NUP205: variants seen among roughly 807,000 people sequenced by gnomAD.
NUP205 encodes nucleoporin 205.
In NUP205, 76 loss-of-function variants were observed where a neutral mutation model predicts 253.8. That is an observed-to-expected ratio of 0.30 (90% CI 0.25 to 0.36). The LOEUF (loss-of-function observed/expected upper bound fraction) is 0.36. Among genes scored for constraint, NUP205 ranks in the 10% least tolerant of loss-of-function variants. NUP205 has a pLI of 1.00. For synonymous variants in NUP205, 832 were observed against 850.1 expected (o/e 0.98, Z 0.37); for missense variants, 2,162 against 2,425.5 (o/e 0.89, Z 2.28).
At chr7:135,582,103 G>T (rs1393339474) in intron 7 of NUP205, among the ~76,000 whole-genome samples, 3 of 152,002 alleles carry the variant, frequency 2.0e-5, no homozygotes, top group Non-Finnish European at 4.4e-5. Flanking sequence ...CTGGCCAACA[G>T]GGCGAAACCT....
chr7:135,598,157 T>G lies in NUP205; in HGVS notation c.2224T>G (p.Ser742Ala). 6.2e-7 allele frequency: 1 copy of G among 1,614,160 alleles called. No individual in the cohort carries two copies. The highest frequency in any genetic ancestry group is 8.5e-7 in the Non-Finnish European group (1 of 1,180,010). Residue 742 changes from serine (S) to alanine (A), a missense_variant, in exon 15 of 43, where the codon TCT (serine) becomes GCT (alanine). Ser to Ala is a moderately conservative substitution (Grantham distance 99). Transcript: ENST00000285968. Reference protein sequence around the residue: ...FDPYLQFLRDSVFLRFRTRAY... With the variant: ...FDPYLQFLRDAVFLRFRTRAY... ...CCCTTATTTGCAGTTCCTTAGAGACTCTGTGTTTCTACGATTCCGTACAAG... is the reference window on the plus strand; with the variant it reads ...CCCTTATTTGCAGTTCCTTAGAGACGCTGTGTTTCTACGATTCCGTACAAG...
rs1316166813 is a variant in NUP205, at chr7:135,610,359, T to TACAG, written c.3195+2989_3195+2992dup. On this transcript the variant is annotated intron_variant, in intron 22 of 42. Coordinates refer to ENST00000285968, the MANE Select transcript of NUP205 (RefSeq NM_015135.3). Reference sequence around the variant, plus strand: ...CCTCAGCCTCCCAAGTAGCAGGGATTACAGGCATGTGCCATCACACCCGGC... The same window carrying TACAG: ...CCTCAGCCTCCCAAGTAGCAGGGATTACAGACAGGCATGTGCCATCACACCCGGC... 9.2e-5 allele frequency among the ~76,000 whole-genome samples: 14 copies of TACAG among 152,334 alleles called. No individual in the cohort carries two copies. The South Asian group carries it at 2.1e-3, about 23-fold the overall frequency.
At position 135,605,853 on chromosome 7, in the gene NUP205, AT is replaced by A. The variant is rs202096156; in HGVS notation, c.2824-276del. Among the ~76,000 whole-genome samples, 22,053 of 144,100 alleles carry A rather than the reference AT, an allele frequency of 0.15. 1,617 individuals carry two copies. The highest frequency in any genetic ancestry group is 0.19 in the East Asian group (944 of 4,960). The allele number at this position is 144,100 out of a possible 152,430, so 94.5% of individuals were successfully genotyped here. On this transcript the variant is annotated intron_variant, in intron 19 of 42. Transcript: ENST00000285968. ...GAGGTCAGTAAACAGCAATTTCGTG[AT>A]TTTTTTTTTTTTTTTAACTAGCTTG...
chr7:135,632,353 G>C (rs1346566521), intron 35 of NUP205, among the ~76,000 whole-genome samples: 1 of 152,318 alleles, frequency 6.6e-6, no homozygotes, highest in East Asian at 1.9e-4. Context: ...GAGGCACAGG[G>C]AGGTTAACTT....
intron 1 of NUP205, among the ~76,000 whole-genome samples, chr7:135,564,156 A>AGTG (rs1413954010): frequency 6.6e-6 from 1 of 151,280 alleles, no homozygotes; most frequent in Non-Finnish European, 1.5e-5. Flanking sequence ...ATGGCATACT[A>AGTG]CAGCCTCTAC....
Position 135,618,575 on chromosome 7 carries a change from G to A in NUP205, c.3935G>A (p.Arg1312His), listed in dbSNP as rs762280680. The A allele has an allele frequency of 2.3e-5, 37 of 1,607,114 alleles. No individual in the cohort carries two copies. The highest frequency in any genetic ancestry group is 5.4e-5 in the African/African-American group (4 of 74,718). The change falls in exon 28 of 43, where the codon CGT (arginine) becomes CAT (histidine). Residue 1312 changes from arginine to histidine, a missense_variant. Arg to His is a conservative substitution (Grantham distance 29). Around this residue, in one of 5 missense-constraint regions of NUP205, gnomAD observed 1,144 missense variants for 1,280.9 expected, o/e 0.89. Transcript: ENST00000285968. Reference protein sequence around the residue: ...IQAEDRQLIIRDILQDVHDKI... With the variant: ...IQAEDRQLIIHDILQDVHDKI... ...GCAGAGGATCGACAACTGATTATTCGTGATATTTTACAAGATGTGCATGAT... is the reference window on the plus strand; with the variant it reads ...GCAGAGGATCGACAACTGATTATTCATGATATTTTACAAGATGTGCATGAT...
rs375049617 is a variant in NUP205 at position 135,587,697 on chromosome 7, C to T, written c.1335+6C>T. On this transcript the variant is annotated splice_donor_region_variant and intron_variant, in intron 9 of 42. Transcript: ENST00000285968. The stretch of plus-strand genomic sequence containing the variant: ...TGGAACACTTAATGCTTTTGGTAAG[C>T]CATTATATTAGAAAGCTTGTCCTCT... The T allele has an allele frequency of 5.1e-6, 8 of 1,570,048 alleles. No individual in the cohort carries two copies. In the African/African-American group the frequency reaches 1.1e-4, roughly 22 times the overall value.
intron 7 of NUP205, among the ~76,000 whole-genome samples, chr7:135,581,118 T>A (rs1025070730): frequency 6.6e-6 from 1 of 152,232 alleles, no homozygotes; most frequent in Non-Finnish European, 1.5e-5. Context: ...GCTTGTGTTA[T>A]TTTGCAGAAA....
chr7:135,569,970 T>C (rs1045996911), intron 1 of NUP205, among the ~76,000 whole-genome samples: 2 of 150,520 alleles, frequency 1.3e-5, no homozygotes, highest in Non-Finnish European at 3.0e-5. Flanking sequence ...CTGTGTGTTT[T>C]CCTTAGTTTA....
chr7:135,597,017 T>G (rs1793856483), intron 13 of NUP205, among the ~76,000 whole-genome samples: 1 of 151,790 alleles, frequency 6.6e-6, no homozygotes, highest in African/African-American at 2.4e-5. Flanking sequence ...GTGCCACCAG[T>G]AGGGCTAGTT....
chr7:135,590,540 C>CTTT (rs1806601179), intron 10 of NUP205, among the ~76,000 whole-genome samples: 1 of 145,390 alleles, frequency 6.9e-6, no homozygotes, highest in African/African-American at 2.5e-5. Context: ...CATCATAAAA[C>CTTT]CTTTTTTTTT....
intron 13 of NUP205, among the ~76,000 whole-genome samples, chr7:135,596,140 G>C (rs1793829622): frequency 1.3e-5 from 2 of 151,852 alleles, no homozygotes; most frequent in African/African-American, 4.8e-5. Flanking sequence ...CTCCATGTTG[G>C]TCAGGCTGGT....
At chr7:135,594,269 T>A (rs2129490339) in intron 12 of NUP205, among the ~76,000 whole-genome samples, 1 of 152,310 alleles carries the variant, frequency 6.6e-6, no homozygotes, top group Non-Finnish European at 1.5e-5. Context: ...ATCCAACCCT[T>A]GCGGACCATT....
At chr7:135,632,295 C>G (rs1794730691) in intron 35 of NUP205, among the ~76,000 whole-genome samples, 1 of 152,170 alleles carries the variant, frequency 6.6e-6, no homozygotes, top group African/African-American at 2.4e-5. Flanking sequence ...ACACAGCAGT[C>G]TTATGAGGTA....
rs770104003 is a variant in NUP205 at position 135,638,037 on chromosome 7, A to G, written c.5243A>G (p.Glu1748Gly). 17 of 1,613,906 alleles carry G rather than the reference A, an allele frequency of 1.1e-5. No homozygotes were observed. Among genetic ancestry groups the G allele is most frequent in the Admixed American group, 1.0e-4 (6 of 59,968 alleles). The part of the protein sequence containing the change: ...VEGDKVSKKD[E>G]IELAMQQICA... Reference sequence around the variant, plus strand: ...GGAGATAAAGTAAGCAAGAAAGATGAGATTGAACTGGCTATGCAGCAGGTA... The same window carrying G: ...GGAGATAAAGTAAGCAAGAAAGATGGGATTGAACTGGCTATGCAGCAGGTA... Residue 1748 changes from glutamate to glycine, a missense_variant, in exon 37 of 43, where the codon GAG (glutamate) becomes GGG (glycine). Coordinates refer to ENST00000285968, the MANE Select transcript of NUP205 (RefSeq NM_015135.3).
chr7:135,606,964 CT>C (rs1363127441), intron 21 of NUP205, 49 bp downstream of exon 21: 1 of 1,538,312 alleles, frequency 6.5e-7, no homozygotes, highest in Non-Finnish European at 8.9e-7. Flanking sequence ...ATTTGTGTAT[CT>C]CAGGGGTCAC....
chr7:135,617,104 C>A lies in NUP205; in HGVS notation c.3547C>A (p.Leu1183Ile), dbSNP rs1328191192. The change falls in exon 26 of 43, where the codon CTA (leucine) becomes ATA (isoleucine). Residue 1183 changes from leucine (L) to isoleucine (I), a missense_variant. Leu to Ile is a conservative substitution (Grantham distance 5). Around this residue, in one of 5 missense-constraint regions of NUP205, gnomAD observed 1,144 missense variants for 1,280.9 expected, o/e 0.89. Coordinates refer to ENST00000285968, the MANE Select transcript of NUP205 (RefSeq NM_015135.3). ...DTATKVRRKI[L>I]NILDSIDFSQ... ...ATTATTTCTAGTACGTCGAAAAATT[C>A]TAAATATTCTTGACTCGATTGACTT... 1 of 1,606,844 alleles carries A rather than the reference C, an allele frequency of 6.2e-7. No individual in the cohort carries two copies. Among genetic ancestry groups the A allele is most frequent in the South Asian group, 1.1e-5 (1 of 89,638 alleles).
At chr7:135,567,854 A>G (rs569717455) in intron 1 of NUP205, among the ~76,000 whole-genome samples, 78 of 152,272 alleles carry the variant, frequency 5.1e-4, no homozygotes, top group African/African-American at 1.8e-3. Flanking sequence ...CTAAACACAT[A>G]TGAGTACCTT....
intron 1 of NUP205, among the ~76,000 whole-genome samples, chr7:135,569,350 G>A (rs1805879098): frequency 6.6e-6 from 1 of 152,236 alleles, no homozygotes. Context: ...TGGGATTACA[G>A]GCGTGAGCCA....
Sources: gnomAD v4.1 joint callset for allele counts (sites outside exome capture counted in the v4.1 genomes callset) on GRCh38, gnomAD v4.1.1 for gene constraint, gnomAD v4.1.1 regional missense constraint, MANE v1.5 for transcripts, NCBI Gene and HGNC (gene_info 2026-07-23, HGNC 2026-07-21) for gene names.